Variants in SYNPR observed in about 807,000 individuals in gnomAD.
The protein encoded by SYNPR is synaptoporin.
In SYNPR, 23 loss-of-function variants were observed where a neutral mutation model predicts 32.9. The observed-to-expected ratio is 0.70, with a 90% CI of 0.50 to 0.99. SYNPR has a LOEUF of 0.99. Ranked by LOEUF, SYNPR falls within the 50% of genes least tolerant of loss-of-function variation. The pLI is 0.00. For missense variants in SYNPR, 318 were observed against 349.3 expected (o/e 0.91, Z 0.71); for synonymous variants, 146 against 135.9 (o/e 1.07, Z -0.52).
rs201973441 is a variant in SYNPR at position 63,293,051 on chromosome 3, G to GA, written c.84+14318dup. On this transcript the variant is annotated intron_variant, in intron 2 of 5. Transcript: ENST00000478300. Reference sequence around the variant, plus strand: ...GGATAACATAATTGTCTGTTTCAGAGAAAAAAAAAGCCCCACAATAGTAGA... The same window carrying GA: ...GGATAACATAATTGTCTGTTTCAGAGAAAAAAAAAAGCCCCACAATAGTAGA... 1.3e-3 allele frequency among the ~76,000 whole-genome samples: 192 copies of GA among 150,972 alleles called. 2 individuals carry two copies. Among genetic ancestry groups the GA allele is most frequent in the African/African-American group, 4.3e-3 (175 of 41,162 alleles).
intron 2 of SYNPR, among the ~76,000 whole-genome samples, chr3:63,322,239 G>A (rs1018975667): frequency 6.6e-6 from 1 of 152,058 alleles, no homozygotes; most frequent in Non-Finnish European, 1.5e-5. Context: ...AGTTTGTAAA[G>A]CACAATGTAG....
chr3:63,208,464 T>A, the SYNPR span, among the ~76,000 whole-genome samples: 1 of 152,188 alleles, frequency 6.6e-6, no homozygotes, highest in African/African-American at 2.4e-5. Flanking sequence ...GATGCTTCAT[T>A]TATTTTAAAA....
intron 2 of SYNPR, among the ~76,000 whole-genome samples, chr3:63,468,491 GCACA>G (rs10663212): frequency 1.0e-4 from 15 of 148,646 alleles, no homozygotes; most frequent in Admixed American, 7.4e-4. Flanking sequence ...TACCTGCAAA[GCACA>G]CACACACACA....
At position 63,595,715 on chromosome 3, in the gene SYNPR, TTTTATATATATATATATA is replaced by T. The variant is rs1229944130; in HGVS notation, c.409-13408_409-13391del. 4.4e-3 allele frequency among the ~76,000 whole-genome samples: 202 copies of T among 45,770 alleles called. 10 individuals carry two copies. Among genetic ancestry groups the T allele is most frequent in the South Asian group, 0.018 (28 of 1,538 alleles). 30.0% of individuals were successfully genotyped at this position (45,770 alleles called of 152,430 possible). ...ATGGTGGTGGGACTTCTGAATCTTA[TTTTATATATATATATATA>T]TATATATATATATATATATATATAT... On this transcript the variant is annotated intron_variant, in intron 4 of 5. Coordinates refer to ENST00000478300, the MANE Select transcript of SYNPR (RefSeq NM_001130003.2).
Position 63,291,561 on chromosome 3 carries a change from A to G in SYNPR, c.84+12819A>G, listed in dbSNP as rs568105406. 5.3e-5 allele frequency among the ~76,000 whole-genome samples: 8 copies of G among 152,046 alleles called. No homozygotes were observed. In the South Asian group the frequency reaches 1.2e-3, roughly 24 times the overall value. ...TATGTTTTCTGTGTCATAATCATCA[A>G]CTAGAGTTTAGGTAAGAACTTTTGT... On this transcript the variant is annotated intron_variant, in intron 2 of 5. Coordinates refer to ENST00000478300, the MANE Select transcript of SYNPR (RefSeq NM_001130003.2).
intron 3 of SYNPR, among the ~76,000 whole-genome samples, chr3:63,494,342 C>T (rs1701314589): frequency 7.3e-6 from 1 of 137,282 alleles, no homozygotes; most frequent in Non-Finnish European, 1.6e-5. Flanking sequence ...TCCACCTCAG[C>T]CAAATACAAA....
At chr3:63,321,027 G>A (rs2087106172) in intron 2 of SYNPR, among the ~76,000 whole-genome samples, 1 of 151,978 alleles carries the variant, frequency 6.6e-6, no homozygotes, top group Admixed American at 6.6e-5. Context: ...AGGACAACAA[G>A]GAGCATTCAT....
intron 2 of SYNPR, among the ~76,000 whole-genome samples, chr3:63,403,362 C>T (rs1240272883): frequency 1.3e-5 from 2 of 151,542 alleles, no homozygotes; most frequent in African/African-American, 2.4e-5. Flanking sequence ...TACTGTGTTA[C>T]TGCTTTTATA....
At chr3:63,229,342 A>T (rs149055615) in intron 1 of SYNPR, among the ~76,000 whole-genome samples, 10 of 152,100 alleles carry the variant, frequency 6.6e-5, no homozygotes, top group Middle Eastern at 6.8e-3. Flanking sequence ...ATCAAAAACT[A>T]TTGTCGACAA....
chr3:63,550,334 C>T (rs1041891664), intron 3 of SYNPR, among the ~76,000 whole-genome samples: 3 of 151,042 alleles, frequency 2.0e-5, no homozygotes, highest in African/African-American at 7.3e-5. Context: ...GTTACATATA[C>T]GTGTGTGTAT....
chr3:63,434,729 C>A (rs1700050178), intron 2 of SYNPR, among the ~76,000 whole-genome samples: 2 of 152,164 alleles, frequency 1.3e-5, no homozygotes, highest in Admixed American at 6.6e-5. Flanking sequence ...GTGTTAGGAA[C>A]AGCCAAACTC....
chr3:63,311,428 G>A (rs2086962730), intron 2 of SYNPR, among the ~76,000 whole-genome samples: 1 of 151,990 alleles, frequency 6.6e-6, no homozygotes, highest in Admixed American at 6.6e-5. Context: ...ACCACTATGA[G>A]CATTACCACT....
chr3:63,204,270 C>T, the SYNPR span, among the ~76,000 whole-genome samples: 119,845 of 152,106 alleles, frequency 0.79, 47,818 homozygotes, highest in Middle Eastern at 0.86. Flanking sequence ...ATGTTCCCTC[C>T]GAAGACTCTA....
intron 2 of SYNPR, among the ~76,000 whole-genome samples, chr3:63,465,725 A>G (rs1484053037): frequency 6.6e-6 from 1 of 152,202 alleles, no homozygotes; most frequent in East Asian, 1.9e-4. Context: ...TCTCAAAGGT[A>G]TTTAAAACAA....
chr3:63,534,125 T>G (rs1702159513), intron 3 of SYNPR, among the ~76,000 whole-genome samples: 1 of 152,172 alleles, frequency 6.6e-6, no homozygotes, highest in African/African-American at 2.4e-5. Flanking sequence ...TGTCCACCAT[T>G]GATGTTGTTC....
intron 3 of SYNPR, among the ~76,000 whole-genome samples, chr3:63,547,323 T>G (rs6445357): frequency 1.3e-5 from 2 of 151,800 alleles, no homozygotes; most frequent in African/African-American, 2.4e-5. Context: ...ATTGCTGGAG[T>G]CTTCTCTCAG....
chr3:63,429,615 A>T (rs1449073751), intron 2 of SYNPR, among the ~76,000 whole-genome samples: 2 of 152,236 alleles, frequency 1.3e-5, no homozygotes, highest in Non-Finnish European at 2.9e-5. Context: ...TTATTAGTTA[A>T]ATGTATAACT....
At chr3:63,402,526 T>C (rs939678553) in intron 2 of SYNPR, among the ~76,000 whole-genome samples, 3 of 152,210 alleles carry the variant, frequency 2.0e-5, no homozygotes, top group African/African-American at 7.2e-5. Context: ...TTCATCGGGA[T>C]TGACCCCTCT....
At chr3:63,357,649 C>CTAGG (rs2087601241) in intron 2 of SYNPR, among the ~76,000 whole-genome samples, 1 of 152,110 alleles carries the variant, frequency 6.6e-6, no homozygotes, top group Non-Finnish European at 1.5e-5. Context: ...TAGGAGTTTT[C>CTAGG]TAGGTTCTGA....
Sources: gnomAD v4.1 joint callset for allele counts (sites outside exome capture counted in the v4.1 genomes callset) on GRCh38, gnomAD v4.1.1 for gene constraint, MANE v1.5 for transcripts, NCBI Gene and HGNC (gene_info 2026-07-23, HGNC 2026-07-21) for gene names.